The following LRP1B variants were observed in gnomAD, a reference collection of about 807,000 sequenced individuals.
The protein encoded by LRP1B is LDL receptor related protein 1B, also known as low-density lipoprotein receptor-related protein 1B.
Under a neutral mutation model 556.6 loss-of-function variants are expected in LRP1B, and 217 were observed. The observed-to-expected ratio is 0.39, with a 90% CI of 0.35 to 0.44. LRP1B has a LOEUF of 0.44. LRP1B is among the 20% of genes least tolerant of loss of function. The pLI, the probability that LRP1B is intolerant of heterozygous loss-of-function variation, is 1.00. For synonymous variants in LRP1B, 2,047 were observed against 1,865.8 expected (o/e 1.10, Z -2.50); for missense variants, 5,053 against 5,620.8 (o/e 0.90, Z 3.23).
chr2:140,349,768 A>C (rs980781451), intron 77 of LRP1B, among the ~76,000 whole-genome samples: 1 of 152,120 alleles, frequency 6.6e-6, no homozygotes, highest in Non-Finnish European at 1.5e-5. Flanking sequence ...AGTTAATGTT[A>C]GCTATTGTGT....
At chr2:140,920,389 A>G (rs1694703766) in intron 21 of LRP1B, among the ~76,000 whole-genome samples, 1 of 152,054 alleles carries the variant, frequency 6.6e-6, no homozygotes, top group Non-Finnish European at 1.5e-5. Context: ...TGTATAAGAA[A>G]GCTATTCTAA....
chr2:140,702,481 A>T lies in LRP1B; in HGVS notation c.6096T>A (p.Val2032=). 6.2e-7 allele frequency: 1 copy of T among 1,613,602 alleles called. No homozygotes were observed. Among genetic ancestry groups the T allele is most frequent in the Non-Finnish European group, 8.5e-7 (1 of 1,179,686 alleles). The part of the protein sequence containing the change: ...GKARLDGSEK[V]VLVSMGIAWP... ...ATGCTATTCCCATGCTTACAAGGACAACCTTCTCTGAGCCATCCAAGCGAG... is the reference window on the plus strand; with the variant it reads ...ATGCTATTCCCATGCTTACAAGGACTACCTTCTCTGAGCCATCCAAGCGAG... The change falls in exon 38 of 91, where the codon GTT becomes GTA. Residue 2032 remains valine, a synonymous_variant. Transcript: ENST00000389484.
chr2:141,787,618 A>T (rs1266450598), intron 2 of LRP1B, among the ~76,000 whole-genome samples: 1 of 151,838 alleles, frequency 6.6e-6, no homozygotes, highest in Non-Finnish European at 1.5e-5. Context: ...AAAAAAAACA[A>T]CTTCTTGGGA....
At chr2:140,669,019 T>C (rs1574218700) in intron 41 of LRP1B, among the ~76,000 whole-genome samples, 1 of 152,244 alleles carries the variant, frequency 6.6e-6, no homozygotes, top group South Asian at 2.1e-4. Flanking sequence ...ATTTCTTTGG[T>C]TGAAGGTTTT....
At chr2:140,319,484 ATC>A in intron 82 of LRP1B, among the ~76,000 whole-genome samples, 1 of 152,114 alleles carries the variant, frequency 6.6e-6, no homozygotes. Context: ...CAGTTAAAGG[ATC>A]TGTTTCTGAG....
At chr2:142,082,681 C>T (rs762041963) in intron 1 of LRP1B, among the ~76,000 whole-genome samples, 1 of 152,198 alleles carries the variant, frequency 6.6e-6, no homozygotes, top group Non-Finnish European at 1.5e-5. Flanking sequence ...TCACTTCTCT[C>T]TCAGCTTTTC....
At chr2:140,769,079 A>T in intron 35 of LRP1B, 134 bp downstream of exon 35, 3 of 790,948 alleles carry the variant, frequency 3.8e-6, no homozygotes, top group Non-Finnish European at 5.9e-6. Context: ...GATTGGCCTT[A>T]ATATTTATCT....
chr2:140,923,194 A>G (rs1694792060), intron 20 of LRP1B, 47 bp from the exon 21 acceptor site: 3 of 1,421,968 alleles, frequency 2.1e-6, no homozygotes, highest in Admixed American at 4.1e-5. Flanking sequence ...GCAAGACAGG[A>G]GAGAAATTAT....
intron 12 of LRP1B, among the ~76,000 whole-genome samples, chr2:141,016,885 G>A (rs549542442): frequency 1.3e-4 from 20 of 152,162 alleles, no homozygotes; most frequent in Admixed American, 9.8e-4. Context: ...TAGACCCTAA[G>A]AATTTCTAAG....
intron 59 of LRP1B, among the ~76,000 whole-genome samples, chr2:140,483,349 G>T (rs1213563654): frequency 6.6e-6 from 1 of 151,648 alleles, no homozygotes; most frequent in Admixed American, 6.6e-5. Context: ...ACTGTAACCT[G>T]GGAGAAATAA....
chr2:141,063,101 C>T (rs116733289), intron 7 of LRP1B, among the ~76,000 whole-genome samples: 2,329 of 151,846 alleles, frequency 0.015, 26 homozygotes, highest in Non-Finnish European at 0.025. Context: ...CAATATTTAA[C>T]AAGATTACCC....
intron 14 of LRP1B, among the ~76,000 whole-genome samples, chr2:141,009,361 G>A (rs1431036442): frequency 6.6e-6 from 1 of 151,902 alleles, no homozygotes; most frequent in Non-Finnish European, 1.5e-5. Flanking sequence ...TTTGAACGAT[G>A]TCAGTCAATC....
intron 41 of LRP1B, among the ~76,000 whole-genome samples, chr2:140,659,949 A>G (rs1000128598): frequency 6.6e-6 from 1 of 152,086 alleles, no homozygotes; most frequent in Non-Finnish European, 1.5e-5. Flanking sequence ...ATAATTTCAT[A>G]TTTGTTAATA....
intron 11 of LRP1B, among the ~76,000 whole-genome samples, chr2:141,024,692 T>C (rs1573993056): frequency 6.6e-6 from 1 of 152,070 alleles, no homozygotes; most frequent in South Asian, 2.1e-4. Flanking sequence ...GTTCCATGAA[T>C]TCTGGTAGAA....
chr2:140,495,588 G>A lies in LRP1B; in HGVS notation c.9011C>T (p.Pro3004Leu), dbSNP rs2104872920. 3.1e-6 allele frequency: 5 copies of A among 1,591,890 alleles called. No homozygotes were observed. Among genetic ancestry groups the A allele is most frequent in the Non-Finnish European group, 4.3e-6 (5 of 1,163,274 alleles). The change falls in exon 56 of 91, where the codon CCA becomes CTA. Residue 3004 changes from proline (P) to leucine (L), a missense_variant. Pro to Leu is a moderately conservative substitution (Grantham distance 98). Around this residue, in one of 5 missense-constraint regions of LRP1B, gnomAD observed 3,619 missense variants for 3,931.9 expected, o/e 0.92. Coordinates refer to ENST00000389484, the MANE Select transcript of LRP1B (RefSeq NM_018557.3). ...ACCTGAGAGCGATTTGCAGCCATTTGGGTTATCAGGTTGTATTTCATACCC... is the reference window on the plus strand; with the variant it reads ...ACCTGAGAGCGATTTGCAGCCATTTAGGTTATCAGGTTGTATTTCATACCC... ...TDGYEIQPDN[P>L]NGCKSLSDEE...
At chr2:140,704,483 A>G (rs1032922399) in intron 37 of LRP1B, among the ~76,000 whole-genome samples, 3 of 152,154 alleles carry the variant, frequency 2.0e-5, no homozygotes, top group Non-Finnish European at 4.4e-5. Context: ...AAAACTTTGT[A>G]GCATAAAATC....
rs2105366765 is a variant in LRP1B at position 140,487,677 on chromosome 2, A to T, written c.9183T>A (p.Asp3061Glu). ...TGCGACTGCCATTGGGTCGGCTAGAATCGATCCAATAGATGAATTCTTCTC... is the reference window on the plus strand; with the variant it reads ...TGCGACTGCCATTGGGTCGGCTAGATTCGATCCAATAGATGAATTCTTCTC... The part of the protein sequence containing the change: ...DYREEFIYWI[D>E]SSRPNGSRIN... Residue 3061 changes from aspartate to glutamate, a missense_variant, in exon 58 of 91, where the codon GAT becomes GAA. By Grantham distance (45) the Asp-to-Glu change is conservative. Coordinates refer to ENST00000389484, the MANE Select transcript of LRP1B (RefSeq NM_018557.3). 6.2e-7 allele frequency: 1 copy of T among 1,600,002 alleles called. No individual in the cohort carries two copies. The highest frequency in any genetic ancestry group is 8.6e-7 in the Non-Finnish European group (1 of 1,169,264).
intron 7 of LRP1B, among the ~76,000 whole-genome samples, chr2:141,129,809 T>G (rs543258162): frequency 6.7e-6 from 1 of 149,822 alleles, no homozygotes; most frequent in Non-Finnish European, 1.5e-5. Flanking sequence ...GAAAATTTAC[T>G]ATATGTAAAT....
At chr2:141,373,104 TATC>T (rs1689293286) in intron 3 of LRP1B, among the ~76,000 whole-genome samples, 2 of 152,128 alleles carry the variant, frequency 1.3e-5, no homozygotes, top group Non-Finnish European at 2.9e-5. Context: ...TTGACCCAGT[TATC>T]ATTCAAGAGC....
Sources: gnomAD v4.1 joint callset for allele counts (sites outside exome capture counted in the v4.1 genomes callset) on GRCh38, gnomAD v4.1.1 for gene constraint, gnomAD v4.1.1 regional missense constraint, MANE v1.5 for transcripts, NCBI Gene and HGNC (gene_info 2026-07-23, HGNC 2026-07-21) for gene names.